The following YTHDF2 variants were observed in gnomAD, a reference collection of about 807,000 sequenced individuals.
YTHDF2 encodes the protein YTH domain-containing family protein 2.
YTHDF2 carries 2 observed loss-of-function variants against 50.4 expected under a neutral mutation model. The observed-to-expected ratio is 0.04, with a 90% confidence interval of 0.02 to 0.12. The LOEUF (loss-of-function observed/expected upper bound fraction) is 0.12, where lower values mean the gene tolerates loss of function less well. Among genes scored for constraint, YTHDF2 ranks in the 10% least tolerant of loss-of-function variants. The pLI is 1.00. For synonymous variants in YTHDF2, 217 were observed against 255.6 expected (o/e 0.85, Z 1.44); for missense variants, 483 against 722.6 (o/e 0.67, Z 3.80).
chr1:28,739,798 G>A (rs2087749707), intron 3 of YTHDF2, among the ~76,000 whole-genome samples: 1 of 152,198 alleles, frequency 6.6e-6, no homozygotes. Flanking sequence ...AATATGACCT[G>A]TGCATGTAGA....
chr1:28,768,899 A>G (rs1002760662), intron 4 of YTHDF2, 30 bp from the exon 5 acceptor site: 1 of 1,569,102 alleles, frequency 6.4e-7, no homozygotes, highest in African/African-American at 1.4e-5. Context: ...ATAATTTTTA[A>G]CCATTTCAAT....
In YTHDF2 at chr1:28,739,788, A is replaced by G. The variant is rs147072249; in HGVS notation, c.132+1450A>G. 7.9e-5 allele frequency among the ~76,000 whole-genome samples: 12 copies of G among 152,338 alleles called. 2 individuals are homozygous for G. Among genetic ancestry groups the G allele is most frequent in the African/African-American group, 2.9e-4 (12 of 41,574 alleles). ...AAAGTTGCATGTAGATTCAAATACT[A>G]ATATGACCTGTGCATGTAGAAACTT... is the stretch of plus-strand genomic sequence containing the variant. On this transcript the variant is annotated intron_variant, in intron 3 of 4. Coordinates refer to ENST00000373812, the MANE Select transcript of YTHDF2 (RefSeq NM_016258.3).
intron 3 of YTHDF2, among the ~76,000 whole-genome samples, chr1:28,738,646 G>T (rs2087731653): frequency 6.6e-6 from 1 of 152,144 alleles, no homozygotes; most frequent in Non-Finnish European, 1.5e-5. Context: ...GGGGTTTCAT[G>T]TTGGCCGGGC....
At chr1:28,754,851 C>T (rs2088012360) in intron 4 of YTHDF2, among the ~76,000 whole-genome samples, 2 of 151,048 alleles carry the variant, frequency 1.3e-5, no homozygotes, top group East Asian at 3.9e-4. Context: ...TGCCTATAGT[C>T]CTATAGTCCC....
chr1:28,738,338 C>A lies in YTHDF2; in HGVS notation c.132C>A (p.Pro44=). Residue 44 remains proline (P), a splice_region_variant and synonymous_variant, in exon 3 of 5, where the codon CCC becomes CCA. Transcript: ENST00000373812. ...CTTACTTGAGTCCACAGGCAAGGCC[C>A]GTGAGTAGTTAACTATTTACATATC... ...FEPYLSPQAR[P]NNAYTAMSDS... 1.9e-6 allele frequency: 3 copies of A among 1,611,960 alleles called. No individual in the cohort carries two copies. The highest frequency in any genetic ancestry group is 2.5e-6 in the Non-Finnish European group (3 of 1,178,058).
intron 4 of YTHDF2, among the ~76,000 whole-genome samples, chr1:28,748,949 A>G (rs908105142): frequency 1.1e-4 from 16 of 152,174 alleles, no homozygotes; most frequent in Admixed American, 5.9e-4. Context: ...AAATATTTAC[A>G]TCTGTCCTTT....
intron 4 of YTHDF2, among the ~76,000 whole-genome samples, chr1:28,756,686 ATC>A (rs2088040003): frequency 1.3e-5 from 2 of 152,238 alleles, no homozygotes; most frequent in African/African-American, 4.8e-5. Flanking sequence ...CAAGTTCAGC[ATC>A]TCTTCTAAAG....
rs144264335 is a variant in YTHDF2, at chr1:28,755,545, G to A, written c.1716+11559G>A. ...AAGGCACATGAGATACGAAAGTAAA[G>A]CTGGTGTTCTAATTCTGCAGCGTGG... On this transcript the variant is annotated intron_variant, in intron 4 of 4. Coordinates refer to ENST00000373812, the MANE Select transcript of YTHDF2 (RefSeq NM_016258.3). Among the ~76,000 whole-genome samples, 544 of 152,294 alleles carry A rather than the reference G, an allele frequency of 3.6e-3. 7 individuals are homozygous for A. Among genetic ancestry groups the A allele is most frequent in the African/African-American group, 0.013 (520 of 41,564 alleles).
At chr1:28,738,811 C>G (rs1251136656) in intron 3 of YTHDF2, among the ~76,000 whole-genome samples, 1 of 152,150 alleles carries the variant, frequency 6.6e-6, no homozygotes, top group South Asian at 2.1e-4. Context: ...TGAGGGTTCA[C>G]CTCCTTAATA....
chr1:28,766,115 ATTG>A lies in YTHDF2; in HGVS notation c.1717-2811_1717-2809del, dbSNP rs1307569891. ...TCCTAAGTTGTTATTTGTTGTTTTC[ATTG>A]TTTTGAGATAGGGTCTCATTCTGTT... On this transcript the variant is annotated intron_variant, in intron 4 of 4. Transcript: ENST00000373812. Among the ~76,000 whole-genome samples, 13 of 152,172 alleles carry A rather than the reference ATTG, an allele frequency of 8.5e-5. No homozygotes were observed. The South Asian group carries it at 2.5e-3, about 29-fold the overall frequency.
chr1:28,768,046 G>C (rs6686595), intron 4 of YTHDF2, among the ~76,000 whole-genome samples: 94,088 of 150,748 alleles, frequency 0.62, 30,814 homozygotes, highest in African/African-American at 0.8. Flanking sequence ...ACTAAAAATA[G>C]AAAAAATTAG....
At position 28,743,352 on chromosome 1, in the gene YTHDF2, T is replaced by A. The variant is rs534955007; in HGVS notation, c.1082T>A (p.Phe361Tyr). 5.0e-6 allele frequency: 8 copies of A among 1,614,128 alleles called. No homozygotes were observed. Among genetic ancestry groups the A allele is most frequent in the South Asian group, 2.2e-5 (2 of 91,076 alleles). Residue 361 changes from phenylalanine to tyrosine, a missense_variant, in exon 4 of 5, where the codon TTC (phenylalanine) becomes TAC (tyrosine). Physicochemically the swap from Phe to Tyr is conservative, Grantham distance 22. This residue lies in a region of YTHDF2 where 385 missense variants were observed against 475.8 expected (regional missense o/e 0.81). Coordinates refer to ENST00000373812, the MANE Select transcript of YTHDF2 (RefSeq NM_016258.3). The surrounding 1 kb of genome is among the most constrained non-coding windows in gnomAD (Gnocchi z 6.9). The part of the protein sequence containing the change: ...WVAPRNRGSG[F>Y]GHNGVDGNGV... Reference sequence around the variant, plus strand: ...GCACCTCGGAACCGTGGCAGTGGGTTCGGTCATAATGGGGTGGATGGTAAT... The same window carrying A: ...GCACCTCGGAACCGTGGCAGTGGGTACGGTCATAATGGGGTGGATGGTAAT...
chr1:28,757,374 A>G (rs980265500), intron 4 of YTHDF2, among the ~76,000 whole-genome samples: 17 of 152,284 alleles, frequency 1.1e-4, no homozygotes, highest in African/African-American at 4.1e-4. Context: ...AAAATGGCCA[A>G]TCCCCTGTGT....
At chr1:28,737,437 T>C (rs938226188) in intron 1 of YTHDF2, 41 of 664,252 alleles carry the variant, frequency 6.2e-5, no homozygotes, top group Non-Finnish European at 9.3e-5. Flanking sequence ...CCTGGGTTCC[T>C]CGCGTCGCCG....
chr1:28,744,346 G>C (rs1031910786), intron 4 of YTHDF2, among the ~76,000 whole-genome samples: 1 of 152,174 alleles, frequency 6.6e-6, no homozygotes, highest in Non-Finnish European at 1.5e-5. Flanking sequence ...TCTATAATAT[G>C]GCAGAGAAAA....
At chr1:28,749,983 G>GTTTT (rs1374878554) in intron 4 of YTHDF2, among the ~76,000 whole-genome samples, 4 of 55,254 alleles carry the variant, frequency 7.2e-5, no homozygotes, top group Admixed American at 2.8e-4. Context: ...GAAAAAAAAG[G>GTTTT]TTGTTTTTTT....
chr1:28,737,085 TTCGCCGCCG>T lies in YTHDF2; in HGVS notation c.-27_-19del. The T allele has an allele frequency of 6.3e-7, 1 of 1,582,282 alleles. No homozygotes were observed. Among genetic ancestry groups the T allele is most frequent in the Non-Finnish European group, 8.6e-7 (1 of 1,166,284 alleles). ...GCCGCCGCCGCCGCGCTGAGGAGAG[TTCGCCGCCG>T]TCGCCGCCCGTGAGGATCTGAGAGC... On this transcript the variant is annotated 5_prime_UTR_variant, in exon 1 of 5. Coordinates refer to ENST00000373812, the MANE Select transcript of YTHDF2 (RefSeq NM_016258.3).
chr1:28,737,225 G>C (rs1189524580), intron 1 of YTHDF2, 78 bp downstream of exon 1: 15 of 1,490,148 alleles, frequency 1.0e-5, no homozygotes, highest in South Asian at 1.3e-5. Flanking sequence ...CGCCGCTCCT[G>C]GGCAGGCCGA....
At chr1:28,766,111 TTTCA>T (rs1390911259) in intron 4 of YTHDF2, among the ~76,000 whole-genome samples, 1 of 152,144 alleles carries the variant, frequency 6.6e-6, no homozygotes, top group Non-Finnish European at 1.5e-5. Context: ...TATTTGTTGT[TTTCA>T]TTGTTTTGAG....
Sources: allele counts gnomAD v4.1 joint callset (sites outside exome capture counted in the v4.1 genomes callset), GRCh38; gene constraint gnomAD v4.1.1; regional missense constraint gnomAD v4.1.1; non-coding constraint Gnocchi (gnomAD v3.1); transcripts MANE v1.5; gene names NCBI Gene and HGNC (gene_info 2026-07-23, HGNC 2026-07-21).